JAM2: variants seen among roughly 807,000 people sequenced by gnomAD.
JAM2 encodes the protein junctional adhesion molecule 2, also known as junctional adhesion molecule B.
JAM2 carries 17 observed loss-of-function variants against 42.0 expected under a neutral mutation model. The observed-to-expected ratio is 0.40, with a 90% CI of 0.28 to 0.61. The LOEUF is 0.61. Ranked by LOEUF, JAM2 falls within the 20% of genes least tolerant of loss-of-function variation. The pLI, the probability that JAM2 is intolerant of heterozygous loss-of-function variation, is 0.37. For synonymous variants in JAM2, 118 were observed against 128.6 expected (o/e 0.92, Z 0.56); for missense variants, 319 against 358.3 (o/e 0.89, Z 0.89).
chr21:25,667,340 A>C (rs2033249020), intron 1 of JAM2, among the ~76,000 whole-genome samples: 1 of 152,202 alleles, frequency 6.6e-6, no homozygotes, highest in Non-Finnish European at 1.5e-5. Flanking sequence ...TCAGAAGGTC[A>C]ATAGTAGCCT....
At chr21:25,711,059 A>G (rs1472667992) in intron 8 of JAM2, among the ~76,000 whole-genome samples, 1 of 152,244 alleles carries the variant, frequency 6.6e-6, no homozygotes, top group African/African-American at 2.4e-5. Flanking sequence ...GAAATCGAAG[A>G]TGGCTTCAAG....
intron 1 of JAM2, among the ~76,000 whole-genome samples, chr21:25,667,359 C>T (rs1232513308): frequency 6.6e-6 from 1 of 152,188 alleles, no homozygotes; most frequent in African/African-American, 2.4e-5. Flanking sequence ...CTAATGCTAC[C>T]TCACGATGCC....
intron 1 of JAM2, among the ~76,000 whole-genome samples, chr21:25,657,980 T>C (rs1448117761): frequency 6.6e-6 from 1 of 152,182 alleles, no homozygotes; most frequent in East Asian, 1.9e-4. Context: ...TTTTGTTTGA[T>C]GCAGTAGGCA....
rs2034482731 is a variant in JAM2 at position 25,716,475 on chromosome 21, T to C, written c.*1803T>C. On this transcript the variant is annotated 3_prime_UTR_variant, in exon 10 of 10. Transcript: ENST00000480456. ...ATGACATGCTATGTCTCTCACCAGA[T>C]CCCTTCCTGGAGGTCGGGCTTCTGT... 6.6e-6 allele frequency: 1 copy of C among 152,162 alleles called. No individual in the cohort carries two copies. The highest frequency in any genetic ancestry group is 2.1e-4 in the South Asian group (1 of 4,826). The allele number at this position is 152,162 out of a possible 1,614,324, so 9.4% of individuals were successfully genotyped here. A position where few individuals can be genotyped will look rare whatever the true frequency, so the allele number is the denominator to read the frequency against.
chr21:25,713,516 T>C (rs543318590), intron 9 of JAM2, among the ~76,000 whole-genome samples: 1 of 148,930 alleles, frequency 6.7e-6, no homozygotes, highest in East Asian at 2.0e-4. Context: ...GCTTTACTCA[T>C]CTATGGCAGG....
At chr21:25,681,410 C>A (rs946159216) in intron 1 of JAM2, among the ~76,000 whole-genome samples, 2 of 152,128 alleles carry the variant, frequency 1.3e-5, no homozygotes, top group Non-Finnish European at 2.9e-5. Flanking sequence ...CACATGGCAG[C>A]AGCAAGGAGA....
At chr21:25,658,016 GA>G (rs2032985318) in intron 1 of JAM2, among the ~76,000 whole-genome samples, 1 of 152,178 alleles carries the variant, frequency 6.6e-6, no homozygotes, top group African/African-American at 2.4e-5. Flanking sequence ...AGGTTTTGAA[GA>G]GTGGAATAAT....
intron 2 of JAM2, among the ~76,000 whole-genome samples, chr21:25,684,322 T>G (rs2033702417): frequency 6.6e-6 from 1 of 152,224 alleles, no homozygotes; most frequent in Non-Finnish European, 1.5e-5. Context: ...TTAATATAGC[T>G]TACTTTGGGG....
At chr21:25,683,554 A>G (rs537500620) in intron 1 of JAM2, among the ~76,000 whole-genome samples, 1 of 152,306 alleles carries the variant, frequency 6.6e-6, no homozygotes, top group South Asian at 2.1e-4. Context: ...ATACCGTGTG[A>G]CACTAGATTG....
At chr21:25,671,747 A>C (rs1435855985) in intron 1 of JAM2, among the ~76,000 whole-genome samples, 3 of 152,150 alleles carry the variant, frequency 2.0e-5, no homozygotes, top group African/African-American at 7.2e-5. Context: ...GACCTCAAGC[A>C]ATCTGCTGGC....
chr21:25,650,873 T>C (rs2032755799), intron 1 of JAM2, among the ~76,000 whole-genome samples: 1 of 151,872 alleles, frequency 6.6e-6, no homozygotes, highest in African/African-American at 2.4e-5. Flanking sequence ...CGTGTATGTG[T>C]GTATGTGTGT....
rs183599276 is a variant in JAM2, at chr21:25,700,591, C to T, written c.598-1579C>T. 1.3e-3 allele frequency among the ~76,000 whole-genome samples: 202 copies of T among 152,250 alleles called. 1 individual carries two copies. Among genetic ancestry groups the T allele is most frequent in the Non-Finnish European group, 1.6e-3 (111 of 68,018 alleles). ...GGCCAGGCTGGTCTTGAACTCCTGACCTCAAGTGATCGCTCGCCTGGGCCT... is the reference window on the plus strand; with the variant it reads ...GGCCAGGCTGGTCTTGAACTCCTGATCTCAAGTGATCGCTCGCCTGGGCCT... On this transcript the variant is annotated intron_variant, in intron 5 of 9. Coordinates refer to ENST00000480456, the MANE Select transcript of JAM2 (RefSeq NM_021219.4).
At chr21:25,649,211 C>CGTATTAGT (rs537247818) in intron 1 of JAM2, among the ~76,000 whole-genome samples, 103 of 152,238 alleles carry the variant, frequency 6.8e-4, no homozygotes, top group African/African-American at 2.4e-3. Flanking sequence ...GAACAAAGCA[C>CGTATTAGT]GTATTAGTGT....
chr21:25,643,881 T>C (rs559029026), intron 1 of JAM2: 9 of 152,176 alleles, frequency 5.9e-5, no homozygotes, highest in Non-Finnish European at 1.2e-4. Context: ...TTCCATTGCA[T>C]TGGTTTCCTC....
At chr21:25,658,709 A>G (rs1265173405) in intron 1 of JAM2, among the ~76,000 whole-genome samples, 1 of 152,174 alleles carries the variant, frequency 6.6e-6, no homozygotes, top group Non-Finnish European at 1.5e-5. Context: ...TTAAAAAGTA[A>G]AGAAAAAACA....
rs539120145 is a variant in JAM2, at chr21:25,640,002, G to T, written c.67+114G>T. 835 of 688,568 alleles carry T rather than the reference G, an allele frequency of 1.2e-3. 2 individuals are homozygous for T. The highest frequency in any genetic ancestry group is 1.7e-3 in the Non-Finnish European group (736 of 441,212). 42.7% of individuals were successfully genotyped at this position (688,568 alleles called of 1,614,324 possible). On this transcript the variant is annotated intron_variant, in intron 1 of 9. Transcript: ENST00000480456. Reference sequence around the variant, plus strand: ...TGGGCGGCTCTGGGCCGAGGTCGCCGCGGGGCGTCTGACCTTGCGCCCAGG... The same window carrying T: ...TGGGCGGCTCTGGGCCGAGGTCGCCTCGGGGCGTCTGACCTTGCGCCCAGG...
chr21:25,704,088 C>T (rs906895856), intron 6 of JAM2, among the ~76,000 whole-genome samples: 13 of 151,780 alleles, frequency 8.6e-5, no homozygotes, highest in Non-Finnish European at 1.8e-4. Flanking sequence ...GATAATAGCC[C>T]TTACTTTGAA....
chr21:25,714,127 T>C, intron 9 of JAM2: 1 of 1,272,410 alleles, frequency 7.9e-7, no homozygotes. Flanking sequence ...CAGTCCTACC[T>C]CTTTACTCTC....
At chr21:25,699,438 C>T (rs1048445716) in intron 5 of JAM2, among the ~76,000 whole-genome samples, 1 of 151,918 alleles carries the variant, frequency 6.6e-6, no homozygotes, top group African/African-American at 2.4e-5. Flanking sequence ...TTAAAAATTG[C>T]GCGGCCGGGC....
Sources: gnomAD v4.1 joint callset for allele counts (sites outside exome capture counted in the v4.1 genomes callset) on GRCh38, gnomAD v4.1.1 for gene constraint, MANE v1.5 for transcripts, NCBI Gene and HGNC (gene_info 2026-07-23, HGNC 2026-07-21) for gene names.